Variants in THSD7A observed in about 807,000 individuals in gnomAD.
The protein encoded by THSD7A is thrombospondin type 1 domain containing 7A.
In THSD7A, 96 loss-of-function variants were observed where a neutral mutation model predicts 231.3. The observed-to-expected ratio is 0.41, with a 90% CI of 0.35 to 0.49. The LOEUF is 0.49. Ranked by LOEUF, THSD7A falls within the 20% of genes least tolerant of loss-of-function variation. THSD7A has a pLI of 0.05. For synonymous variants in THSD7A, 940 were observed against 743.3 expected (o/e 1.26, Z -4.30); for missense variants, 2,290 against 2,070.2 (o/e 1.11, Z -2.06).
At chr7:11,582,380 A>C (rs1791203359) in intron 4 of THSD7A, among the ~76,000 whole-genome samples, 1 of 152,000 alleles carries the variant, frequency 6.6e-6, no homozygotes, top group Non-Finnish European at 1.5e-5. Flanking sequence ...GGTGTTCAAT[A>C]TTTCCACCTT....
intron 6 of THSD7A, among the ~76,000 whole-genome samples, chr7:11,539,192 TG>T (rs1225264402): frequency 6.6e-6 from 1 of 152,142 alleles, no homozygotes; most frequent in East Asian, 1.9e-4. Context: ...CATGATAATA[TG>T]GGAGCAGTAG....
chr7:11,396,457 C>G (rs560237024), intron 23 of THSD7A, among the ~76,000 whole-genome samples: 1 of 152,126 alleles, frequency 6.6e-6, no homozygotes, highest in Non-Finnish European at 1.5e-5. Flanking sequence ...GGGATATCAT[C>G]ACCGATCCCA....
At chr7:11,466,095 T>C (rs1785694249) in intron 9 of THSD7A, among the ~76,000 whole-genome samples, 1 of 152,176 alleles carries the variant, frequency 6.6e-6, no homozygotes, top group South Asian at 2.1e-4. Context: ...TTTTATTTTG[T>C]GCAATAGTAT....
At chr7:11,502,574 A>C (rs777918254) in intron 6 of THSD7A, among the ~76,000 whole-genome samples, 6 of 152,182 alleles carry the variant, frequency 3.9e-5, no homozygotes, top group Non-Finnish European at 7.4e-5. Context: ...TCTTTTGATA[A>C]AATTCAACAT....
chr7:11,674,101 C>T (rs1783533496), intron 1 of THSD7A, among the ~76,000 whole-genome samples: 1 of 151,924 alleles, frequency 6.6e-6, no homozygotes, highest in South Asian at 2.1e-4. Flanking sequence ...GGTGTTCTAA[C>T]CCTGAGGTAG....
intron 1 of THSD7A, among the ~76,000 whole-genome samples, chr7:11,709,235 G>T (rs561425503): frequency 1.8e-4 from 27 of 150,714 alleles, no homozygotes; most frequent in African/African-American, 6.5e-4. Flanking sequence ...CATTTATCTT[G>T]ATATTCCCCA....
chr7:11,680,506 A>G (rs1023555877), intron 1 of THSD7A, among the ~76,000 whole-genome samples: 1 of 152,162 alleles, frequency 6.6e-6, no homozygotes, highest in Non-Finnish European at 1.5e-5. Context: ...AATTTACAAG[A>G]AAAAACAAAC....
chr7:11,651,451 A>G (rs78766384), intron 1 of THSD7A, among the ~76,000 whole-genome samples: 1 of 151,414 alleles, frequency 6.6e-6, no homozygotes, highest in East Asian at 2.0e-4. Context: ...TGTTTTCTCT[A>G]CCACTGTATC....
chr7:11,511,250 A>G lies in THSD7A; in HGVS notation c.1823-29268T>C, dbSNP rs1413758585. Among the ~76,000 whole-genome samples, 3 of 152,324 alleles carry G rather than the reference A, an allele frequency of 2.0e-5. No homozygotes were observed. The East Asian group carries it at 5.8e-4, about 29-fold the overall frequency. On this transcript the variant is annotated intron_variant, in intron 6 of 27. Coordinates refer to ENST00000423059, the MANE Select transcript of THSD7A (RefSeq NM_015204.3). The stretch of plus-strand genomic sequence containing the variant: ...AGGGATGTGAAGGACCTCTTCAAGG[A>G]GAACTACAAACCACTGCTCAACGAA...
At chr7:11,464,790 T>TG (rs1305924609) in intron 9 of THSD7A, among the ~76,000 whole-genome samples, 21 of 152,144 alleles carry the variant, frequency 1.4e-4, no homozygotes, top group African/African-American at 4.3e-4. Flanking sequence ...AGACGTTTAA[T>TG]GGGGTTACAC....
chr7:11,415,768 TC>T (rs1329249762), intron 17 of THSD7A, among the ~76,000 whole-genome samples: 3 of 152,198 alleles, frequency 2.0e-5, no homozygotes. Context: ...CCTTGCTTTT[TC>T]CCAGATGTGT....
At chr7:11,671,157 T>C (rs921971277) in intron 1 of THSD7A, among the ~76,000 whole-genome samples, 1 of 152,190 alleles carries the variant, frequency 6.6e-6, no homozygotes, top group Non-Finnish European at 1.5e-5. Flanking sequence ...AAATGGAAAG[T>C]AGAAAATGCT....
intron 1 of THSD7A, among the ~76,000 whole-genome samples, chr7:11,787,490 A>C (rs1014104909): frequency 2.6e-5 from 4 of 152,094 alleles, no homozygotes; most frequent in African/African-American, 9.7e-5. Flanking sequence ...ATTGGGAGAA[A>C]ATTTTCAAAA....
In THSD7A at chr7:11,531,983, G is replaced by A. The variant is rs1216263548; in HGVS notation, c.1822+9436C>T. On this transcript the variant is annotated intron_variant, in intron 6 of 27. Coordinates refer to ENST00000423059, the MANE Select transcript of THSD7A (RefSeq NM_015204.3). Reference sequence around the variant, plus strand: ...CTATTCCTTGAGCCTTGTTAGATTTGAGACTTGCTTTGACCCATAGAATGT... The same window carrying A: ...CTATTCCTTGAGCCTTGTTAGATTTAAGACTTGCTTTGACCCATAGAATGT... 2.0e-5 allele frequency among the ~76,000 whole-genome samples: 3 copies of A among 152,220 alleles called. No individual in the cohort carries two copies. In the East Asian group the frequency reaches 5.8e-4, roughly 29 times the overall value.
chr7:11,555,153 C>T (rs988834425), intron 4 of THSD7A, among the ~76,000 whole-genome samples: 9 of 151,684 alleles, frequency 5.9e-5, no homozygotes, highest in African/African-American at 1.9e-4. Flanking sequence ...CATTTCACTC[C>T]CATTTTTCTT....
At chr7:11,694,418 A>G (rs1780326662) in intron 1 of THSD7A, among the ~76,000 whole-genome samples, 1 of 151,562 alleles carries the variant, frequency 6.6e-6, no homozygotes, top group Non-Finnish European at 1.5e-5. Context: ...CATGTCAGCC[A>G]CTAAAATCCA....
chr7:11,790,893 C>T (rs1471999161), intron 1 of THSD7A, among the ~76,000 whole-genome samples: 11 of 151,820 alleles, frequency 7.2e-5, no homozygotes, highest in African/African-American at 2.7e-4. Flanking sequence ...CATTTTTTCA[C>T]TTGGTTGACT....
chr7:11,477,218 T>A (rs1036751973), intron 7 of THSD7A, among the ~76,000 whole-genome samples: 1 of 152,190 alleles, frequency 6.6e-6, no homozygotes, highest in African/African-American at 2.4e-5. Context: ...TCTTGAACAG[T>A]TTTTCAATTG....
At chr7:11,560,029 A>G (rs1297816042) in intron 4 of THSD7A, among the ~76,000 whole-genome samples, 1 of 152,172 alleles carries the variant, frequency 6.6e-6, no homozygotes, top group African/African-American at 2.4e-5. Flanking sequence ...GAAACAACTC[A>G]TGTCCAATTA....
Sources: gnomAD v4.1 joint callset for allele counts (sites outside exome capture counted in the v4.1 genomes callset) on GRCh38, gnomAD v4.1.1 for gene constraint, MANE v1.5 for transcripts, NCBI Gene and HGNC (gene_info 2026-07-23, HGNC 2026-07-21) for gene names.